ARHGAP35: variants seen among roughly 807,000 people sequenced by gnomAD.
ARHGAP35 encodes Rho GTPase activating protein 35.
In ARHGAP35, 15 loss-of-function variants were observed where a neutral mutation model predicts 111.1. The ratio of observed to expected loss-of-function variants is 0.13; its 90% CI spans 0.09 to 0.21. The LOEUF is 0.21. Ranked by LOEUF, ARHGAP35 falls within the 10% of genes least tolerant of loss-of-function variation. The probability of loss-of-function intolerance (pLI) is 1.00; values close to 1 mark genes in which losing one functional copy is unlikely to be tolerated. For missense variants in ARHGAP35, 1,262 were observed against 1,873.0 expected, an observed-to-expected ratio of 0.67 and a Z score of 6.02; for synonymous variants, 643 against 710.3, an observed-to-expected ratio of 0.91 and a Z score of 1.51.
intron 3 of ARHGAP35, among the ~76,000 whole-genome samples, chr19:46,987,624 CA>C (rs2122335983): frequency 6.6e-6 from 1 of 152,318 alleles, no homozygotes; most frequent in South Asian, 2.1e-4. Context: ...AAATTCACAA[CA>C]TACTTTGTAA....
At chr19:46,898,190 C>T (rs1436220003) in intron 1 of ARHGAP35, among the ~76,000 whole-genome samples, 8 of 150,108 alleles carry the variant, frequency 5.3e-5, no homozygotes, top group African/African-American at 1.2e-4. Flanking sequence ...TGAAGTGAGC[C>T]GAGATCGCGC....
At chr19:46,990,236 T>C (rs1334394395) in intron 5 of ARHGAP35, among the ~76,000 whole-genome samples, 2 of 152,260 alleles carry the variant, frequency 1.3e-5, no homozygotes, top group African/African-American at 4.8e-5. Flanking sequence ...CATTTGATGC[T>C]GTAGCAAATT....
At position 46,916,213 on chromosome 19, in the gene ARHGAP35, C is replaced by T. The variant is rs190711431; in HGVS notation, c.-188-2275C>T. Among the ~76,000 whole-genome samples, 9 of 152,128 alleles carry T rather than the reference C, an allele frequency of 5.9e-5. 1 individual carries two copies. Among genetic ancestry groups the T allele is most frequent in the African/African-American group, 2.2e-4 (9 of 41,486 alleles). On this transcript the variant is annotated intron_variant, in intron 1 of 6. Coordinates refer to ENST00000672722, the MANE Select transcript of ARHGAP35 (RefSeq NM_004491.5). Reference sequence around the variant, plus strand: ...CCTCCCAAAGTGTTGGAATTACAGGCGTGAGCCACCGCGCCCAGCGAAGGA... The same window carrying T: ...CCTCCCAAAGTGTTGGAATTACAGGTGTGAGCCACCGCGCCCAGCGAAGGA...
At chr19:46,937,629 G>A (rs2056317184) in intron 3 of ARHGAP35, among the ~76,000 whole-genome samples, 1 of 152,200 alleles carries the variant, frequency 6.6e-6, no homozygotes, top group Admixed American at 6.5e-5. Context: ...GGCCTACGAA[G>A]GAGCTGTTCT....
At chr19:46,874,599 C>G (rs1425039448) in intron 1 of ARHGAP35, among the ~76,000 whole-genome samples, 1 of 144,916 alleles carries the variant, frequency 6.9e-6, no homozygotes, top group East Asian at 2.1e-4. Flanking sequence ...CCGCCTCCTG[C>G]GTTCAAGCGA....
At position 46,908,862 on chromosome 19, in the gene ARHGAP35, T is replaced by C. The variant is rs1341849720; in HGVS notation, c.-188-9626T>C. On this transcript the variant is annotated intron_variant, in intron 1 of 6. Coordinates refer to ENST00000672722, the MANE Select transcript of ARHGAP35 (RefSeq NM_004491.5). This position sits in a 1 kb window ranked among gnomAD's most constrained non-coding sequence, Gnocchi z 4.2. Reference sequence around the variant, plus strand: ...GGATGGTAAGGTAGCAACATAGTTCTGTATTCCCACCCTGGAATTCAGAAG... The same window carrying C: ...GGATGGTAAGGTAGCAACATAGTTCCGTATTCCCACCCTGGAATTCAGAAG... 6.6e-6 allele frequency among the ~76,000 whole-genome samples: 1 copy of C among 152,194 alleles called. No homozygotes were observed. Among genetic ancestry groups the C allele is most frequent in the Non-Finnish European group, 1.5e-5 (1 of 68,030 alleles).
At chr19:46,910,216 G>A (rs1032347905) in intron 1 of ARHGAP35, among the ~76,000 whole-genome samples, 8 of 152,172 alleles carry the variant, frequency 5.3e-5, no homozygotes, top group South Asian at 2.1e-4. Flanking sequence ...GGGCTCAAGC[G>A]ATCCTCCTGC....
At position 46,878,739 on chromosome 19, in the gene ARHGAP35, C is replaced by G. The variant is rs896543074; in HGVS notation, c.-189+17530C>G. On this transcript the variant is annotated intron_variant, in intron 1 of 6. Transcript: ENST00000672722. ...CACTGCAACCTCAACCTCCTGGGCT[C>G]AAGTGATTCTCTGGACTCAGCCTCC... is the stretch of plus-strand genomic sequence containing the variant. 2.6e-5 allele frequency among the ~76,000 whole-genome samples: 4 copies of G among 152,148 alleles called. 1 individual carries two copies. The highest frequency in any genetic ancestry group is 5.9e-5 in the Non-Finnish European group (4 of 68,038).
rs2056664127 is a variant in ARHGAP35 at position 46,988,692 on chromosome 19, G to C, written c.3904+626G>C. Reference sequence around the variant, plus strand: ...GCCAGAAGCAAAAGCACCAGAGCAGGGCACATTCCCATCTATCAGCAGCCA... The same window carrying C: ...GCCAGAAGCAAAAGCACCAGAGCAGCGCACATTCCCATCTATCAGCAGCCA... On this transcript the variant is annotated intron_variant, in intron 4 of 6. Transcript: ENST00000672722. The surrounding 1 kb of genome is among the most constrained non-coding windows in gnomAD (Gnocchi z 5.4). The C allele has an allele frequency of 6.5e-6, 1 of 154,454 alleles. No homozygotes were observed. Among genetic ancestry groups the C allele is most frequent in the Non-Finnish European group, 1.4e-5 (1 of 69,598 alleles). The allele number at this position is 154,454 out of a possible 1,614,324, so 9.6% of individuals were successfully genotyped here.
At chr19:46,946,936 G>T (rs1485069498) in intron 3 of ARHGAP35, 1 of 152,176 alleles carries the variant, frequency 6.6e-6, no homozygotes, top group Non-Finnish European at 1.5e-5. Flanking sequence ...CCACCTTGGG[G>T]TATCATTGCC....
chr19:46,928,989 G>C (rs770686713), intron 2 of ARHGAP35, among the ~76,000 whole-genome samples: 3 of 65,978 alleles, frequency 4.5e-5, no homozygotes, highest in African/African-American at 1.9e-4. Context: ...ACATGTCTCC[G>C]TTTCTTTCTC....
Position 47,004,660 on chromosome 19 carries a change from A to C in ARHGAP35, c.*3972A>C, listed in dbSNP as rs1033984079. 6.5e-6 allele frequency: 1 copy of C among 152,676 alleles called. No homozygotes were observed. Among genetic ancestry groups the C allele is most frequent in the African/African-American group, 2.4e-5 (1 of 41,464 alleles). The allele number at this position is 152,676 out of a possible 1,614,324, so 9.5% of individuals were successfully genotyped here. A position where few individuals can be genotyped will look rare whatever the true frequency, so the allele number is the denominator to read the frequency against. On this transcript the variant is annotated 3_prime_UTR_variant, in exon 7 of 7. Transcript: ENST00000672722. ...ACAAATATTTTGAGTTTCTGAGAAA[A>C]AACAAAACATATTAATGGTATTGAA...
At chr19:46,877,481 T>A (rs1262558006) in intron 1 of ARHGAP35, among the ~76,000 whole-genome samples, 1 of 151,176 alleles carries the variant, frequency 6.6e-6, no homozygotes, top group African/African-American at 2.4e-5. Context: ...GGAGAATCAC[T>A]TGAACCTGGG....
intron 1 of ARHGAP35, among the ~76,000 whole-genome samples, chr19:46,914,521 G>C (rs1057301287): frequency 6.6e-6 from 1 of 152,194 alleles, no homozygotes; most frequent in African/African-American, 2.4e-5. Flanking sequence ...GGATGCTGAA[G>C]TGGGAGGATC....
chr19:46,890,604 A>G (rs1712889279), intron 1 of ARHGAP35, among the ~76,000 whole-genome samples: 1 of 152,234 alleles, frequency 6.6e-6, no homozygotes, highest in Non-Finnish European at 1.5e-5. Flanking sequence ...TATCTAGACT[A>G]TGTTTCATTG....
intron 2 of ARHGAP35, among the ~76,000 whole-genome samples, chr19:46,924,502 C>T (rs2056227365): frequency 6.6e-6 from 1 of 152,258 alleles, no homozygotes; most frequent in Non-Finnish European, 1.5e-5. Flanking sequence ...CCATAGGCAT[C>T]CTCCTGTCTG....
rs889004460 is a variant in ARHGAP35, at chr19:47,002,481, G to A, written c.*1793G>A. 6.6e-6 allele frequency: 1 copy of A among 152,276 alleles called. No individual in the cohort carries two copies. Among genetic ancestry groups the A allele is most frequent in the Non-Finnish European group, 1.5e-5 (1 of 68,066 alleles). 9.4% of individuals were successfully genotyped at this position (152,276 alleles called of 1,614,324 possible). A position where few individuals can be genotyped will look rare whatever the true frequency, so the allele number is the denominator to read the frequency against. On this transcript the variant is annotated 3_prime_UTR_variant, in exon 7 of 7. Coordinates refer to ENST00000672722, the MANE Select transcript of ARHGAP35 (RefSeq NM_004491.5). ...GGGTTCAGGCGTGTTTTCTGTGAAT[G>A]TTGGATGATGAATTTTTGTCTCTTC...
In ARHGAP35 at chr19:46,985,694, G is replaced by A. The variant is rs1480012790; in HGVS notation, c.3827-2295G>A. Among the ~76,000 whole-genome samples, 4 of 152,156 alleles carry A rather than the reference G, an allele frequency of 2.6e-5. No individual in the cohort carries two copies. The East Asian group carries it at 7.7e-4, about 29-fold the overall frequency. On this transcript the variant is annotated intron_variant, in intron 3 of 6. Coordinates refer to ENST00000672722, the MANE Select transcript of ARHGAP35 (RefSeq NM_004491.5). ...CACAGCGTGTGACCACTCTGATATG[G>A]AAAGTGCCAGCACTCTCCCAGGCGA...
chr19:46,929,979 C>T (rs2056263105), intron 2 of ARHGAP35, among the ~76,000 whole-genome samples: 1 of 151,736 alleles, frequency 6.6e-6, no homozygotes, highest in African/African-American at 2.4e-5. Flanking sequence ...CTAGGCTGGT[C>T]TCAAAACTCT....
Sources: gnomAD v4.1 joint callset for allele counts (sites outside exome capture counted in the v4.1 genomes callset) on GRCh38, gnomAD v4.1.1 for gene constraint, Gnocchi (gnomAD v3.1) non-coding constraint, MANE v1.5 for transcripts, NCBI Gene and HGNC (gene_info 2026-07-23, HGNC 2026-07-21) for gene names.